SPIDR: variants seen among roughly 807,000 people sequenced by gnomAD.
The protein encoded by SPIDR is DNA repair-scaffolding protein.
Under a neutral mutation model 104.6 loss-of-function variants are expected in SPIDR, and 93 were observed. The ratio of observed to expected loss-of-function variants is 0.89; its 90% CI spans 0.75 to 1.06. The LOEUF is 1.06. SPIDR is among the 50% of genes least tolerant of loss of function. The probability of loss-of-function intolerance (pLI) is 0.00; values close to 1 mark genes in which losing one functional copy is unlikely to be tolerated. For synonymous variants in SPIDR, 431 were observed against 416.9 expected (o/e 1.03, Z -0.41); for missense variants, 1,154 against 1,111.2 (o/e 1.04, Z -0.55).
chr8:47,369,166 G>C (rs2057663039), intron 5 of SPIDR, among the ~76,000 whole-genome samples: 2 of 152,324 alleles, frequency 1.3e-5, no homozygotes, highest in African/African-American at 4.8e-5. Context: ...GCAGGAACAG[G>C]TGAGTGAGAG....
At chr8:47,716,905 G>A (rs867039727) in intron 16 of SPIDR, among the ~76,000 whole-genome samples, 1 of 152,192 alleles carries the variant, frequency 6.6e-6, no homozygotes, top group East Asian at 1.9e-4. Context: ...CCCTGGCCAT[G>A]TGGAGATTAT....
At chr8:47,600,467 T>TG (rs2062135555) in intron 10 of SPIDR, among the ~76,000 whole-genome samples, 3 of 152,228 alleles carry the variant, frequency 2.0e-5, no homozygotes, top group Non-Finnish European at 4.4e-5. Flanking sequence ...TGGAGGCACT[T>TG]TATTTGAAAA....
chr8:47,409,622 G>A lies in SPIDR; in HGVS notation c.877+1661G>A, dbSNP rs561528696. 4.6e-5 allele frequency among the ~76,000 whole-genome samples: 7 copies of A among 152,296 alleles called. No homozygotes were observed. In the South Asian group the frequency reaches 6.2e-4, roughly 14 times the overall value. ...CATTATTCTTAGAGTTGATCTCCCC[G>A]TTCCCAATAATATATTCTTCTAAAT... On this transcript the variant is annotated intron_variant, in intron 7 of 19. Coordinates refer to ENST00000297423, the MANE Select transcript of SPIDR (RefSeq NM_001080394.4).
intron 8 of SPIDR, among the ~76,000 whole-genome samples, chr8:47,574,942 C>G (rs2058909499): frequency 6.6e-6 from 1 of 152,050 alleles, no homozygotes; most frequent in South Asian, 2.1e-4. Flanking sequence ...GATTATTATT[C>G]ATGTGAATAA....
intron 8 of SPIDR, among the ~76,000 whole-genome samples, chr8:47,530,564 T>TA (rs2085802937): frequency 6.6e-6 from 1 of 152,194 alleles, no homozygotes. Flanking sequence ...ATAGGGCACT[T>TA]ACCTGTCTGT....
chr8:47,480,125 C>T (rs1246607268), intron 8 of SPIDR, among the ~76,000 whole-genome samples: 2 of 152,136 alleles, frequency 1.3e-5, no homozygotes, highest in Non-Finnish European at 2.9e-5. Context: ...TGTATCCATC[C>T]ACTACTCATG....
chr8:47,366,993 C>A (rs899740139), intron 5 of SPIDR, among the ~76,000 whole-genome samples: 1 of 152,116 alleles, frequency 6.6e-6, no homozygotes, highest in African/African-American at 2.4e-5. Flanking sequence ...TTGCATAATC[C>A]ATGGGACTGT....
At chr8:47,678,276 T>C (rs2076682646) in intron 11 of SPIDR, among the ~76,000 whole-genome samples, 1 of 151,934 alleles carries the variant, frequency 6.6e-6, no homozygotes, top group Non-Finnish European at 1.5e-5. Context: ...AGTTTTTGAG[T>C]GAAGAAGAGA....
chr8:47,679,023 C>T (rs6987043), intron 11 of SPIDR, among the ~76,000 whole-genome samples: 67,360 of 151,922 alleles, frequency 0.44, 18,387 homozygotes, highest in East Asian at 0.66. Flanking sequence ...CCCCCTTTTC[C>T]CTCACAGGCC....
chr8:47,604,641 TG>T (rs2062722811), intron 10 of SPIDR, among the ~76,000 whole-genome samples: 1 of 152,108 alleles, frequency 6.6e-6, no homozygotes, highest in Non-Finnish European at 1.5e-5. Context: ...ATGGATTGGT[TG>T]GGGGAGGAGC....
chr8:47,671,620 A>ATAAATAAATAAG (rs1482399405), intron 10 of SPIDR, among the ~76,000 whole-genome samples: 1 of 151,658 alleles, frequency 6.6e-6, no homozygotes, highest in Admixed American at 6.6e-5. Flanking sequence ...AAATAAATAA[A>ATAAATAAATAAG]TACAAATAAA....
rs184763122 is a variant in SPIDR, at chr8:47,485,844, A to G, written c.1097+45302A>G. On this transcript the variant is annotated intron_variant, in intron 8 of 19. Transcript: ENST00000297423. ...GCAAGGACATCCACACCAAAACCCCATCTATACATCATCATCATCAAAGAC... is the reference window on the plus strand; with the variant it reads ...GCAAGGACATCCACACCAAAACCCCGTCTATACATCATCATCATCAAAGAC... Among the ~76,000 whole-genome samples the G allele has an allele frequency of 4.4e-3, 672 of 152,340 alleles. 7 individuals are homozygous for G. The highest frequency in any genetic ancestry group is 0.014 in the Middle Eastern group (4 of 294).
At chr8:47,479,290 C>T (rs542323780) in intron 8 of SPIDR, among the ~76,000 whole-genome samples, 4 of 149,138 alleles carry the variant, frequency 2.7e-5, no homozygotes, top group Admixed American at 6.8e-5. Context: ...ACCTGGGAGG[C>T]GGAGGCTGCA....
intron 8 of SPIDR, among the ~76,000 whole-genome samples, chr8:47,556,422 C>T (rs1039503227): frequency 6.6e-6 from 1 of 152,202 alleles, no homozygotes; most frequent in Non-Finnish European, 1.5e-5. Flanking sequence ...CAAGCCAGAA[C>T]TGTTTTAGCC....
At chr8:47,581,963 T>A (rs904782992) in intron 8 of SPIDR, among the ~76,000 whole-genome samples, 1 of 152,154 alleles carries the variant, frequency 6.6e-6, no homozygotes, top group Non-Finnish European at 1.5e-5. Context: ...ACTCCTGTAA[T>A]CCCAGCACTT....
At chr8:47,291,966 G>A (rs1263744193) in intron 4 of SPIDR, among the ~76,000 whole-genome samples, 1 of 152,114 alleles carries the variant, frequency 6.6e-6, no homozygotes, top group Non-Finnish European at 1.5e-5. Context: ...ACCTTCCTAT[G>A]CCTGTAGGAT....
At chr8:47,493,048 T>A (rs1299974436) in intron 8 of SPIDR, among the ~76,000 whole-genome samples, 4 of 138,744 alleles carry the variant, frequency 2.9e-5, no homozygotes, top group African/African-American at 1.3e-4. Flanking sequence ...AGTGAGTGTG[T>A]GTGTGTGTGT....
chr8:47,701,622 G>A, intron 12 of SPIDR, 99 bp from the exon 13 acceptor site: 2 of 1,223,566 alleles, frequency 1.6e-6, no homozygotes, highest in Non-Finnish European at 2.3e-6. Context: ...GCACCTGTAA[G>A]CAAATATGTA....
intron 7 of SPIDR, among the ~76,000 whole-genome samples, chr8:47,434,466 G>A (rs551593524): frequency 3.3e-5 from 5 of 152,276 alleles, no homozygotes; most frequent in African/African-American, 1.2e-4. Context: ...AGCCTTTTGG[G>A]ATATCTCTGA....
Sources: gnomAD v4.1 joint callset for allele counts (sites outside exome capture counted in the v4.1 genomes callset) on GRCh38, gnomAD v4.1.1 for gene constraint, MANE v1.5 for transcripts, NCBI Gene and HGNC (gene_info 2026-07-23, HGNC 2026-07-21) for gene names.